The following TTC39B variants were observed in gnomAD, a reference collection of about 807,000 sequenced individuals.
TTC39B encodes the protein tetratricopeptide repeat domain 39B.
Under a neutral mutation model 96.6 loss-of-function variants are expected in TTC39B, and 92 were observed. The observed-to-expected ratio is 0.95, with a 90% confidence interval of 0.80 to 1.13. The LOEUF (loss-of-function observed/expected upper bound fraction) is 1.13, where lower values mean the gene tolerates loss of function less well. Ranked by LOEUF, TTC39B falls within the 50% of genes most tolerant of loss-of-function variation. The probability of loss-of-function intolerance (pLI) is 0.00; values close to 1 mark genes in which losing one functional copy is unlikely to be tolerated. For synonymous variants in TTC39B, 367 were observed against 299.4 expected (o/e 1.23, Z -2.33); for missense variants, 955 against 809.3 (o/e 1.18, Z -2.18).
chr9:15,258,383 A>G (rs10961940), intron 2 of TTC39B, among the ~76,000 whole-genome samples: 33,891 of 152,116 alleles, frequency 0.22, 5,601 homozygotes, highest in African/African-American at 0.47. Flanking sequence ...GGAGACATTT[A>G]CAGAAAAGGC....
At chr9:15,185,697 A>T (rs1254487800) in intron 15 of TTC39B, among the ~76,000 whole-genome samples, 1 of 152,240 alleles carries the variant, frequency 6.6e-6, no homozygotes, top group Admixed American at 6.5e-5. Flanking sequence ...AACTTAGCTA[A>T]TGTCTTAAAT....
At chr9:15,195,979 G>A (rs1032365212) in intron 8 of TTC39B, among the ~76,000 whole-genome samples, 2 of 152,134 alleles carry the variant, frequency 1.3e-5, no homozygotes, top group South Asian at 2.1e-4. Context: ...AATATCCTAA[G>A]GCCCTTAACA....
chr9:15,250,055 T>C (rs1822463878), intron 2 of TTC39B: 1 of 1,283,916 alleles, frequency 7.8e-7, no homozygotes, highest in Non-Finnish European at 1.0e-6. Flanking sequence ...ACAAAAATCC[T>C]CAATTTCTAT....
chr9:15,169,037 C>G (rs1817580673), exon 20 of TTC39B: 1 of 152,290 alleles, frequency 6.6e-6, no homozygotes, highest in African/African-American at 2.4e-5. Context: ...CTAGTCTAAG[C>G]TTGCAGGACA....
chr9:15,271,283 C>T (rs924536207), intron 1 of TTC39B, among the ~76,000 whole-genome samples: 16 of 152,034 alleles, frequency 1.1e-4, no homozygotes, highest in African/African-American at 2.7e-4. Flanking sequence ...GATTGGAGTC[C>T]GCACACTGTG....
At chr9:15,211,187 T>G (rs777065746) in intron 5 of TTC39B, 79 bp downstream of exon 5, 61 of 1,373,436 alleles carry the variant, frequency 4.4e-5, no homozygotes, top group Admixed American at 2.9e-4. Context: ...GAGCTTTTGG[T>G]CAGGCAAATG....
At chr9:15,258,205 G>T (rs1018102105) in intron 2 of TTC39B, among the ~76,000 whole-genome samples, 3 of 152,164 alleles carry the variant, frequency 2.0e-5, no homozygotes, top group Non-Finnish European at 4.4e-5. Context: ...AAATCTTATA[G>T]TCACTTAAGC....
intron 2 of TTC39B, among the ~76,000 whole-genome samples, chr9:15,234,277 C>T (rs1431566243): frequency 2.7e-5 from 4 of 150,430 alleles, no homozygotes; most frequent in Non-Finnish European, 5.9e-5. Context: ...TCAGCCCCCG[C>T]CAGGCCAGCC....
chr9:15,220,712 TG>T (rs1258231265), intron 3 of TTC39B, among the ~76,000 whole-genome samples: 3 of 152,058 alleles, frequency 2.0e-5, no homozygotes, highest in African/African-American at 7.2e-5. Context: ...TCCAAAAAGT[TG>T]GAAAAATAGG....
chr9:15,165,934 A>G (rs1003144507), exon 20 of TTC39B: 2 of 152,192 alleles, frequency 1.3e-5, no homozygotes, highest in African/African-American at 4.8e-5. Context: ...TCTTTATTAT[A>G]CTTATTTTTT....
chr9:15,170,931 A>G (rs1817630153), exon 20 of TTC39B: 1 of 152,234 alleles, frequency 6.6e-6, no homozygotes, highest in South Asian at 2.1e-4. Flanking sequence ...AAAGACCTTG[A>G]AAGTCATCTG....
At chr9:15,266,685 C>T (rs928935636) in intron 2 of TTC39B, among the ~76,000 whole-genome samples, 6 of 152,240 alleles carry the variant, frequency 3.9e-5, no homozygotes, top group South Asian at 2.1e-4. Flanking sequence ...AGCCCAAACC[C>T]CCAATGTGAT....
In TTC39B at chr9:15,267,951, G is replaced by A. The variant is rs1166209190; in HGVS notation, c.241-3C>T. 1 of 1,609,212 alleles carries A rather than the reference G, an allele frequency of 6.2e-7. No individual in the cohort carries two copies. The highest frequency in any genetic ancestry group is 2.2e-5 in the East Asian group (1 of 44,838). On this transcript the variant is annotated splice_polypyrimidine_tract_variant and splice_region_variant and intron_variant, in intron 1 of 19. Coordinates refer to ENST00000512701, the Ensembl canonical transcript of TTC39B. ...TCCAAGGCATCTTCGAAAACGTCCT[G>A]GGGGAAATAAAAAATACAATGAGTT...
chr9:15,275,631 A>G (rs1030073563), intron 1 of TTC39B, among the ~76,000 whole-genome samples: 3 of 152,156 alleles, frequency 2.0e-5, no homozygotes, highest in African/African-American at 7.2e-5. Context: ...AGGTAAAGGG[A>G]CCTCACTTCA....
chr9:15,234,427 G>T (rs539906983), intron 2 of TTC39B, among the ~76,000 whole-genome samples: 2 of 148,300 alleles, frequency 1.3e-5, no homozygotes, highest in African/African-American at 4.9e-5. Flanking sequence ...CCCCCCGCCC[G>T]GCCAGCCGCC....
At chr9:15,305,779 T>C (rs1485370195) in intron 1 of TTC39B, among the ~76,000 whole-genome samples, 1 of 151,138 alleles carries the variant, frequency 6.6e-6, no homozygotes, top group Non-Finnish European at 1.5e-5. Flanking sequence ...TTTACACCTA[T>C]TATCCCAGTG....
At chr9:15,163,893 T>C (rs1395723005) in exon 20 of TTC39B, 1 of 152,238 alleles carries the variant, frequency 6.6e-6, no homozygotes, top group Non-Finnish European at 1.5e-5. Context: ...ATTGTTGTCA[T>C]CATGTTGAAA....
At chr9:15,183,184 G>C (rs768631517) in intron 16 of TTC39B, among the ~76,000 whole-genome samples, 9 of 152,086 alleles carry the variant, frequency 5.9e-5, no homozygotes, top group Non-Finnish European at 1.2e-4. Context: ...CTTAGCAGGA[G>C]GTAGTGGAAA....
chr9:15,210,091 C>T, exon 6 of TTC39B: 1 of 1,597,336 alleles, frequency 6.3e-7, no homozygotes, highest in Non-Finnish European at 8.5e-7. Context: ...CTTTTACCTT[C>T]ACTCAGTTGC....
Sources: allele counts gnomAD v4.1 joint callset (sites outside exome capture counted in the v4.1 genomes callset), GRCh38; gene constraint gnomAD v4.1.1; transcripts MANE v1.5; gene names NCBI Gene and HGNC (gene_info 2026-07-23, HGNC 2026-07-21).